The following SLCO2B1 variants were observed in gnomAD, a reference collection of about 807,000 sequenced individuals.
SLCO2B1 encodes the protein solute carrier organic anion transporter family member 2B1.
In SLCO2B1, 41 loss-of-function variants were observed where a neutral mutation model predicts 67.3. That is an observed-to-expected ratio of 0.61 (90% CI 0.47 to 0.79). The LOEUF (loss-of-function observed/expected upper bound fraction) is 0.79, where lower values mean the gene tolerates loss of function less well. Among genes scored for constraint, SLCO2B1 ranks in the 30% least tolerant of loss-of-function variants. The pLI is 0.00. For missense variants in SLCO2B1, 837 were observed against 920.1 expected (o/e 0.91, Z 1.17); for synonymous variants, 379 against 381.4 (o/e 0.99, Z 0.07).
rs1400527291 is a variant in SLCO2B1, at chr11:75,193,770, C to A, written c.1433+195C>A. 6.6e-6 allele frequency among the ~76,000 whole-genome samples: 1 copy of A among 152,204 alleles called. No individual in the cohort carries two copies. Among genetic ancestry groups the A allele is most frequent in the Non-Finnish European group, 1.5e-5 (1 of 68,032 alleles). ...AAGGCTCCAGGGTAGGTGTCAGGCA[C>A]CACTGGAAGGGGCATGGATGAGACT... On this transcript the variant is annotated intron_variant, in intron 9 of 13. Transcript: ENST00000289575. The surrounding 1 kb of genome is among the most constrained non-coding windows in gnomAD (Gnocchi z 4.2).
intron 8 of SLCO2B1, among the ~76,000 whole-genome samples, chr11:75,189,709 G>A (rs765649871): frequency 6.6e-6 from 1 of 152,086 alleles, no homozygotes; most frequent in Non-Finnish European, 1.5e-5. Flanking sequence ...CACTTTGGGG[G>A]ACCAAGGCAG....
At position 75,151,170 on chromosome 11, in the gene SLCO2B1, A is replaced by T. The variant is rs778987240; in HGVS notation, c.-212A>T. On this transcript the variant is annotated 5_prime_UTR_variant, in exon 1 of 14. Transcript: ENST00000289575. ...ATACTTGGGGCTGAGTTTGAGCAAG[A>T]CTCCCTAACCTGTGTCTGGACAAGT... 2.4e-5 allele frequency: 13 copies of T among 550,742 alleles called. No individual in the cohort carries two copies. Among genetic ancestry groups the T allele is most frequent in the Non-Finnish European group, 4.2e-5 (13 of 310,976 alleles). The allele number at this position is 550,742 out of a possible 1,614,324, so 34.1% of individuals were successfully genotyped here.
chr11:75,193,066 T>G lies in SLCO2B1; in HGVS notation c.1076-152T>G, dbSNP rs927664155. ...AGGGACTAGAGTAAATGGAATGGAG[T>G]CAAGTGGGATAAAATTGATTGCAAT... On this transcript the variant is annotated intron_variant, in intron 8 of 13. Transcript: ENST00000289575. The surrounding 1 kb of genome is among the most constrained non-coding windows in gnomAD (Gnocchi z 4.2). 36 of 609,274 alleles carry G rather than the reference T, an allele frequency of 5.9e-5. No homozygotes were observed. Among genetic ancestry groups the G allele is most frequent in the African/African-American group, 5.9e-4 (32 of 54,392 alleles). The allele number at this position is 609,274 out of a possible 1,614,324, so 37.7% of individuals were successfully genotyped here. A position where few individuals can be genotyped will look rare whatever the true frequency, so the allele number is the denominator to read the frequency against.
intron 5 of SLCO2B1, 73 bp from the exon 6 acceptor site, chr11:75,169,593 A>G (rs1949935826): frequency 5.9e-6 from 8 of 1,345,460 alleles, no homozygotes; most frequent in South Asian, 1.3e-5. Flanking sequence ...CTTGCCCATC[A>G]GAGACTGGGC....
intron 1 of SLCO2B1, among the ~76,000 whole-genome samples, chr11:75,157,380 T>C (rs935907434): frequency 7.2e-5 from 11 of 152,198 alleles, no homozygotes; most frequent in African/African-American, 2.4e-4. Context: ...TGGGGATAGA[T>C]GGCTTTCATC....
chr11:75,203,778 A>T (rs1945224830), intron 13 of SLCO2B1: 3 of 226,624 alleles, frequency 1.3e-5, no homozygotes, highest in Admixed American at 1.1e-4. Flanking sequence ...CCTGTCTAGG[A>T]CACAGGAGGC....
In SLCO2B1 at chr11:75,160,114, C is replaced by T. The variant is rs188148455; in HGVS notation, c.17-2541C>T. On this transcript the variant is annotated intron_variant, in intron 1 of 13. Coordinates refer to ENST00000289575, the MANE Select transcript of SLCO2B1 (RefSeq NM_007256.5). The stretch of plus-strand genomic sequence containing the variant: ...TCCATTCCTTGGGTTTCCTTCAGAG[C>T]TGGGGCTCCAGGTCAAGGACTTCTG... Among the ~76,000 whole-genome samples, 31 of 152,338 alleles carry T rather than the reference C, an allele frequency of 2.0e-4. No homozygotes were observed. The East Asian group carries it at 4.8e-3, about 24-fold the overall frequency.
intron 8 of SLCO2B1, among the ~76,000 whole-genome samples, chr11:75,192,670 A>G (rs1945040248): frequency 6.6e-6 from 1 of 152,234 alleles, no homozygotes; most frequent in South Asian, 2.1e-4. Context: ...GGAACTGAAT[A>G]GAATTGAATG....
intron 7 of SLCO2B1, among the ~76,000 whole-genome samples, chr11:75,185,685 G>A (rs1158150571): frequency 2.0e-5 from 3 of 151,930 alleles, no homozygotes; most frequent in Admixed American, 1.3e-4. Flanking sequence ...TAAAGTGAGA[G>A]CAAGTTTATT....
At position 75,204,409 on chromosome 11, in the gene SLCO2B1, C is replaced by T. The variant is rs1945238771; in HGVS notation, c.1959C>T (p.Gly653=). ...NNDLLRNRFI[G]LQFFFKTGSV... ...CCCATTCTTTCCCCAGGTTCATCGG[C>T]CTCCAGTTCTTCTTCAAAACAGGTT... Residue 653 remains glycine (G), a synonymous_variant, in exon 14 of 14, where the codon GGC becomes GGT. Transcript: ENST00000289575. 1 of 1,604,126 alleles carries T rather than the reference C, an allele frequency of 6.2e-7. No homozygotes were observed. The highest frequency in any genetic ancestry group is 1.7e-5 in the Admixed American group (1 of 58,352).
intron 7 of SLCO2B1, among the ~76,000 whole-genome samples, chr11:75,173,483 C>T (rs1377338814): frequency 1.3e-5 from 2 of 152,182 alleles, no homozygotes; most frequent in African/African-American, 2.4e-5. Context: ...ACCCTTCCAG[C>T]GGGCACAGTC....
At chr11:75,203,558 G>A in intron 13 of SLCO2B1, 131 bp downstream of exon 13, 1 of 1,162,818 alleles carries the variant, frequency 8.6e-7, no homozygotes, top group Non-Finnish European at 1.2e-6. Flanking sequence ...TATATATTCA[G>A]TGCTGAGCTC....
rs77749294 is a variant in SLCO2B1 at position 75,204,598 on chromosome 11, C to T, written c.*18C>T. On this transcript the variant is annotated 3_prime_UTR_variant, in exon 14 of 14. Transcript: ENST00000289575. ...GAGTGTGAGCTGTCTTGGGGCCCCA[C>T]CTGGCCAAGAGTAGCAGCCACAGCA... 1.3e-3 allele frequency: 2,080 copies of T among 1,590,686 alleles called. 1 individual carries two copies. The highest frequency in any genetic ancestry group is 1.6e-3 in the Non-Finnish European group (1,881 of 1,169,834).
chr11:75,193,445 C>G lies in SLCO2B1; in HGVS notation c.1303C>G (p.Leu435Val), dbSNP rs1021989150. The change falls in exon 9 of 14, where the codon CTC (leucine) becomes GTC (valine). Residue 435 changes from leucine to valine, a missense_variant. Coordinates refer to ENST00000289575, the MANE Select transcript of SLCO2B1 (RefSeq NM_007256.5). The surrounding 1 kb of genome is among the most constrained non-coding windows in gnomAD (Gnocchi z 4.2). The part of the protein sequence containing the change: ...IVVGGVLVKR[L>V]HLGPVGCGAL... ...GGTGGGTGGCGTCCTGGTCAAGCGG[C>G]TCCACCTGGGCCCTGTGGGATGCGG... 28 of 1,613,592 alleles carry G rather than the reference C, an allele frequency of 1.7e-5. No homozygotes were observed. Among genetic ancestry groups the G allele is most frequent in the Non-Finnish European group, 1.9e-5 (22 of 1,179,596 alleles).
chr11:75,174,214 G>A (rs1348703956), intron 7 of SLCO2B1, among the ~76,000 whole-genome samples: 1 of 152,190 alleles, frequency 6.6e-6, no homozygotes, highest in African/African-American at 2.4e-5. Flanking sequence ...TCTCAAGTAT[G>A]GGAGGTGGCT....
At position 75,169,277 on chromosome 11, in the gene SLCO2B1, C is replaced by G. The variant is rs113701638; in HGVS notation, c.553C>G (p.His185Asp). 6.2e-7 allele frequency: 1 copy of G among 1,614,206 alleles called. No individual in the cohort carries two copies. Among genetic ancestry groups the G allele is most frequent in the Admixed American group, 1.7e-5 (1 of 60,030 alleles). The change falls in exon 5 of 14, where the codon CAT (histidine) becomes GAT (aspartate). Residue 185 changes from histidine to aspartate, a missense_variant. Physicochemically the swap from His to Asp is moderately conservative, Grantham distance 81. Coordinates refer to ENST00000289575, the MANE Select transcript of SLCO2B1 (RefSeq NM_007256.5). ...GNCSSYTETQ[H>D]LSVVGIMFVA... ...CTGCTCAAGCTACACAGAAACCCAG[C>G]ATCTGAGTGTGGTGGGGATCATGTT... is the stretch of plus-strand genomic sequence containing the variant.
rs533148076 is a variant in SLCO2B1, at chr11:75,193,602, G to A, written c.1433+27G>A. Reference sequence around the variant, plus strand: ...TGAGTGTGTGCGTGGGCACGTAAAGGCAAGCCTGGGAGGACAGGACAGGGA... The same window carrying A: ...TGAGTGTGTGCGTGGGCACGTAAAGACAAGCCTGGGAGGACAGGACAGGGA... On this transcript the variant is annotated intron_variant, in intron 9 of 13. Coordinates refer to ENST00000289575, the MANE Select transcript of SLCO2B1 (RefSeq NM_007256.5). The surrounding 1 kb of genome is among the most constrained non-coding windows in gnomAD (Gnocchi z 4.2). 1 of 1,512,316 alleles carries A rather than the reference G, an allele frequency of 6.6e-7. No individual in the cohort carries two copies. The highest frequency in any genetic ancestry group is 8.8e-7 in the Non-Finnish European group (1 of 1,131,400). 93.7% of individuals were successfully genotyped at this position (1,512,316 alleles called of 1,614,324 possible). A position where few individuals can be genotyped will look rare whatever the true frequency, so the allele number is the denominator to read the frequency against.
At chr11:75,153,708 G>A (rs1026762372) in intron 1 of SLCO2B1, among the ~76,000 whole-genome samples, 5 of 152,332 alleles carry the variant, frequency 3.3e-5, no homozygotes, top group Non-Finnish European at 7.3e-5. Context: ...CGTTGGAGGA[G>A]CGGGGGTCAC....
chr11:75,162,546 A>C lies in SLCO2B1; in HGVS notation c.17-109A>C, dbSNP rs1949833823. On this transcript the variant is annotated intron_variant, in intron 1 of 13. Coordinates refer to ENST00000289575, the MANE Select transcript of SLCO2B1 (RefSeq NM_007256.5). Reference sequence around the variant, plus strand: ...CTCAGATTCTCATCAACCACTAAGAACTCTTCTTCCTGAAAGACCTTGGTT... The same window carrying C: ...CTCAGATTCTCATCAACCACTAAGACCTCTTCTTCCTGAAAGACCTTGGTT... 2.5e-6 allele frequency: 3 copies of C among 1,189,666 alleles called. No homozygotes were observed. The Admixed American group carries it at 7.2e-5, about 29-fold the overall frequency. The allele number at this position is 1,189,666 out of a possible 1,614,324, so 73.7% of individuals were successfully genotyped here. A position where few individuals can be genotyped will look rare whatever the true frequency, so the allele number is the denominator to read the frequency against.
Sources: gnomAD v4.1 joint callset for allele counts (sites outside exome capture counted in the v4.1 genomes callset) on GRCh38, gnomAD v4.1.1 for gene constraint, Gnocchi (gnomAD v3.1) non-coding constraint, MANE v1.5 for transcripts, NCBI Gene and HGNC (gene_info 2026-07-23, HGNC 2026-07-21) for gene names.